Variants in RP2 observed in about 807,000 individuals in gnomAD.
The protein encoded by RP2 is protein XRP2.
In RP2, 3 loss-of-function variants were observed where a neutral mutation model predicts 20.3. The ratio of observed to expected loss-of-function variants is 0.15; its 90% CI spans 0.07 to 0.38. The LOEUF is 0.38. Among genes scored for constraint, RP2 ranks in the 10% least tolerant of loss-of-function variants. RP2 has a pLI of 1.00. For missense variants in RP2, 233 were observed against 268.5 expected (o/e 0.87, Z 0.92); for synonymous variants, 75 against 94.8 (o/e 0.79, Z 1.22).
At chrX:46,837,840 T>C (rs1159657234) in intron 1 of RP2, among the ~76,000 whole-genome samples, 2 of 112,362 alleles carry the variant, frequency 1.8e-5, no homozygotes, top group African/African-American at 6.5e-5. Flanking sequence ...GTATTAAGAC[T>C]GTAAGGTGAA....
intron 1 of RP2, among the ~76,000 whole-genome samples, chrX:46,848,934 C>T (rs370799097): frequency 9.3e-6 from 1 of 107,220 alleles, no homozygotes. Context: ...GAGACTGAGG[C>T]GGGGAGGATT....
chrX:46,837,450 C>T (rs782576174), intron 1 of RP2, among the ~76,000 whole-genome samples: 1 of 111,547 alleles, frequency 9.0e-6, no homozygotes, highest in South Asian at 3.7e-4. Context: ...AGACAGACTC[C>T]CCCGGGAGCT....
At chrX:46,848,331 G>A (rs1320499641) in intron 1 of RP2, among the ~76,000 whole-genome samples, 3 of 108,616 alleles carry the variant, frequency 2.8e-5, no homozygotes, top group Non-Finnish European at 5.7e-5. Flanking sequence ...TTTAATAGCT[G>A]TAGGACATTA....
intron 1 of RP2, among the ~76,000 whole-genome samples, chrX:46,850,164 A>G (rs782572381): frequency 2.8e-4 from 32 of 112,281 alleles, no homozygotes; most frequent in African/African-American, 1.0e-3. Context: ...GTGTCTGGTG[A>G]GGGCTCTCTT....
At chrX:46,855,759 G>A (rs1201803260) in intron 2 of RP2, among the ~76,000 whole-genome samples, 5 of 108,923 alleles carry the variant, frequency 4.6e-5, no homozygotes, top group African/African-American at 1.0e-4. Context: ...GAGCCACCAC[G>A]CTCGGCCGGA....
At chrX:46,872,368 T>A (rs1925306772) in intron 3 of RP2, among the ~76,000 whole-genome samples, 1 of 112,337 alleles carries the variant, frequency 8.9e-6, no homozygotes, top group Non-Finnish European at 1.9e-5. Context: ...TACAGTTGGA[T>A]CAAAATCTTT....
intron 1 of RP2, among the ~76,000 whole-genome samples, chrX:46,847,248 T>C (rs1020047886): frequency 9.0e-6 from 1 of 111,506 alleles, no homozygotes; most frequent in African/African-American, 3.3e-5. Context: ...TTTTCAGAGC[T>C]CTTTATATGT....
At chrX:46,865,160 CTT>C (rs1404383723) in intron 3 of RP2, among the ~76,000 whole-genome samples, 1 of 112,198 alleles carries the variant, frequency 8.9e-6, no homozygotes, top group Non-Finnish European at 1.9e-5. Context: ...AAACTACAGA[CTT>C]TATTCAAATT....
chrX:46,879,738 A>T lies in RP2; in HGVS notation c.1022A>T (p.Tyr341Phe). 1 of 1,200,258 alleles carries T rather than the reference A, an allele frequency of 8.3e-7. No homozygotes were observed. Among genetic ancestry groups the T allele is most frequent in the Non-Finnish European group, 1.1e-6 (1 of 885,987 alleles). Reference sequence around the variant, plus strand: ...GCATCTGGAGATGTAGACAGCTTCTACAACTTTGCTGATATACAGATGGGA... The same window carrying T: ...GCATCTGGAGATGTAGACAGCTTCTTCAACTTTGCTGATATACAGATGGGA... ...ETASGDVDSF[Y>F]NFADIQMGI Residue 341 changes from tyrosine to phenylalanine, a missense_variant, in exon 5 of 5, where the codon TAC becomes TTC. Around this residue, in one of 3 missense-constraint regions of RP2, gnomAD observed 118 missense variants for 123.8 expected, o/e 0.95. Transcript: ENST00000218340.
intron 3 of RP2, among the ~76,000 whole-genome samples, chrX:46,867,077 C>G (rs1556322764): frequency 8.9e-6 from 1 of 111,746 alleles, no homozygotes; most frequent in Admixed American, 9.6e-5. Context: ...TGCTAGGTGA[C>G]TCAATAACTT....
At chrX:46,859,454 A>G (rs1194916997) in intron 2 of RP2, among the ~76,000 whole-genome samples, 3 of 107,641 alleles carry the variant, frequency 2.8e-5, no homozygotes, top group Non-Finnish European at 3.8e-5. Flanking sequence ...GCACCACTAC[A>G]TTCCAGCCAG....
intron 1 of RP2, among the ~76,000 whole-genome samples, chrX:46,847,402 G>A (rs1924734317): frequency 9.1e-6 from 1 of 109,348 alleles, no homozygotes; most frequent in African/African-American, 3.3e-5. Context: ...TTTTTCTTTT[G>A]TGGATTGTGT....
At chrX:46,837,420 T>G (rs1045208962) in intron 1 of RP2, among the ~76,000 whole-genome samples, 6 of 111,591 alleles carry the variant, frequency 5.4e-5, no homozygotes, top group Non-Finnish European at 1.1e-4. Flanking sequence ...GAAGGAGCCT[T>G]AGGAGTTTGT....
intron 1 of RP2, among the ~76,000 whole-genome samples, chrX:46,844,931 G>C (rs1044674191): frequency 1.8e-5 from 2 of 111,966 alleles, no homozygotes; most frequent in African/African-American, 6.5e-5. Context: ...TGATGGCCAG[G>C]GATGATGAAT....
intron 1 of RP2, among the ~76,000 whole-genome samples, chrX:46,840,303 C>T (rs1473380571): frequency 8.9e-6 from 1 of 111,797 alleles, no homozygotes; most frequent in Non-Finnish European, 1.9e-5. Context: ...TTGAAGGGCA[C>T]CCCTTGGGTT....
At chrX:46,849,205 TA>T (rs1179859609) in intron 1 of RP2, among the ~76,000 whole-genome samples, 1 of 109,010 alleles carries the variant, frequency 9.2e-6, no homozygotes, top group Non-Finnish European at 1.9e-5. Flanking sequence ...TTTTTTTTTT[TA>T]AAGTGTCAGG....
chrX:46,861,044 C>T (rs1429898447), intron 3 of RP2, among the ~76,000 whole-genome samples: 1 of 111,484 alleles, frequency 9.0e-6, no homozygotes, highest in Non-Finnish European at 1.9e-5. Flanking sequence ...ATGAATCTAC[C>T]CCAGAATATA....
chrX:46,878,368 C>T (rs1925411835), intron 4 of RP2, among the ~76,000 whole-genome samples: 1 of 96,877 alleles, frequency 1.0e-5, no homozygotes, highest in South Asian at 5.1e-4. Flanking sequence ...CAGAGCGAGA[C>T]TCTGTCTCAA....
chrX:46,869,463 A>G (rs1925244519), intron 3 of RP2, among the ~76,000 whole-genome samples: 1 of 98,592 alleles, frequency 1.0e-5, no homozygotes, highest in Non-Finnish European at 2.0e-5. Context: ...ACGCCCGGCT[A>G]ATTTTGTATT....
Sources: gnomAD v4.1 joint callset for allele counts (sites outside exome capture counted in the v4.1 genomes callset) on GRCh38, gnomAD v4.1.1 for gene constraint, gnomAD v4.1.1 regional missense constraint, MANE v1.5 for transcripts, NCBI Gene and HGNC (gene_info 2026-07-23, HGNC 2026-07-21) for gene names.